ANXA4: variants seen among roughly 807,000 people sequenced by gnomAD.
ANXA4 encodes 35-beta calcimedin.
A neutral mutation model predicts 49.8 loss-of-function variants in ANXA4; 39 were observed. The ratio of observed to expected loss-of-function variants is 0.78; its 90% CI spans 0.61 to 1.02. The LOEUF (loss-of-function observed/expected upper bound fraction) is 1.02. Among genes scored for constraint, ANXA4 ranks in the 50% least tolerant of loss-of-function variants. ANXA4 has a pLI of 0.00. For synonymous variants in ANXA4, 134 were observed against 152.5 expected, an observed-to-expected ratio of 0.88 and a Z score of 0.89; for missense variants, 360 against 410.1, an observed-to-expected ratio of 0.88 and a Z score of 1.05.
chr2:69,651,903 C>A (rs1042172153), intron 1 of ANXA4, among the ~76,000 whole-genome samples: 1 of 148,734 alleles, frequency 6.7e-6, no homozygotes, highest in Non-Finnish European at 1.5e-5. Context: ...CCAGCCTCAA[C>A]TTCCTGGGTT....
At chr2:69,723,788 C>T (rs192356988) in intron 3 of ANXA4, among the ~76,000 whole-genome samples, 21 of 152,296 alleles carry the variant, frequency 1.4e-4, no homozygotes, top group Admixed American at 2.0e-4. Context: ...GGGCTCAAGT[C>T]ATCCTCCCAC....
At chr2:69,661,510 A>G (rs1165542813) in intron 2 of ANXA4, among the ~76,000 whole-genome samples, 2 of 152,072 alleles carry the variant, frequency 1.3e-5, no homozygotes, top group Non-Finnish European at 2.9e-5. Flanking sequence ...AGCTGTGATT[A>G]CAGTGAGCTA....
chr2:69,655,572 T>C (rs1676406211), intron 2 of ANXA4, among the ~76,000 whole-genome samples: 1 of 152,184 alleles, frequency 6.6e-6, no homozygotes, highest in Admixed American at 6.5e-5. Flanking sequence ...GGTTTTACAC[T>C]GTTGGTGGGA....
At chr2:69,800,442 CA>C (rs375381113) in intron 3 of ANXA4, among the ~76,000 whole-genome samples, 6 of 152,182 alleles carry the variant, frequency 3.9e-5, no homozygotes, top group African/African-American at 1.4e-4. Flanking sequence ...TTGGAGAAGA[CA>C]AGGATTATAA....
At chr2:69,757,268 T>TATA (rs1559150598) in intron 1 of ANXA4, among the ~76,000 whole-genome samples, 16 of 24,016 alleles carry the variant, frequency 6.7e-4, no homozygotes, top group Admixed American at 5.7e-3. Flanking sequence ...ATATATATAT[T>TATA]TTTTTTTTTT....
chr2:69,740,743 C>T (rs111346190), upstream of ANXA4, among the ~76,000 whole-genome samples: 6,123 of 130,392 alleles, frequency 0.047, 405 homozygotes, highest in African/African-American at 0.16. Context: ...CGTGCAGTGG[C>T]GCAATCTCAG....
chr2:69,810,694 G>A, intron 7 of ANXA4, 21 bp downstream of exon 7: 1 of 1,604,626 alleles, frequency 6.2e-7, no homozygotes, highest in Non-Finnish European at 8.5e-7. Context: ...GCTTCTGATG[G>A]GGGGCGGGTT....
intron 11 of ANXA4, among the ~76,000 whole-genome samples, chr2:69,820,206 T>TC (rs1034265248): frequency 1.8e-4 from 27 of 151,168 alleles, no homozygotes; most frequent in African/African-American, 6.5e-4. Context: ...TAGTTGAGGA[T>TC]CCAAACATTG....
At chr2:69,824,971 G>A (rs959109035) in intron 12 of ANXA4, among the ~76,000 whole-genome samples, 8 of 149,754 alleles carry the variant, frequency 5.3e-5, no homozygotes, top group South Asian at 2.1e-4. Context: ...GGAGGCTGAC[G>A]CAGAAGAATG....
At chr2:69,669,628 A>G (rs964031715) in intron 2 of ANXA4, among the ~76,000 whole-genome samples, 1 of 151,988 alleles carries the variant, frequency 6.6e-6, no homozygotes, top group African/African-American at 2.4e-5. Context: ...AAAAAGAATC[A>G]TAGATTTTAC....
intron 2 of ANXA4, among the ~76,000 whole-genome samples, chr2:69,665,980 G>A (rs1017917947): frequency 8.5e-5 from 13 of 152,120 alleles, no homozygotes; most frequent in East Asian, 3.8e-4. Context: ...TGAGGCAGGC[G>A]GATCACAATG....
chr2:69,721,557 C>G (rs999320235), intron 3 of ANXA4, among the ~76,000 whole-genome samples: 2 of 152,046 alleles, frequency 1.3e-5, no homozygotes, highest in Admixed American at 1.3e-4. Context: ...AAAAGTTAAC[C>G]AGGCACGGTG....
intron 4 of ANXA4, among the ~76,000 whole-genome samples, chr2:69,804,836 A>T (rs1292339010): frequency 6.6e-6 from 1 of 152,116 alleles, no homozygotes; most frequent in African/African-American, 2.4e-5. Flanking sequence ...ACTTGAGGCC[A>T]GGAGTTTGAG....
intron 8 of ANXA4, among the ~76,000 whole-genome samples, 192 bp downstream of exon 8, chr2:69,812,901 A>T (rs1311654575): frequency 6.6e-6 from 1 of 152,220 alleles, no homozygotes; most frequent in Non-Finnish European, 1.5e-5. Flanking sequence ...ACATCATTAT[A>T]TAAGCACTCC....
chr2:69,725,474 C>G (rs1669939757), intron 3 of ANXA4, among the ~76,000 whole-genome samples: 1 of 150,970 alleles, frequency 6.6e-6, no homozygotes, highest in Non-Finnish European at 1.5e-5. Flanking sequence ...AATAAATATA[C>G]CATACACTTC....
At chr2:69,676,773 G>A (rs1559070331) in intron 2 of ANXA4, among the ~76,000 whole-genome samples, 1 of 152,048 alleles carries the variant, frequency 6.6e-6, no homozygotes, top group Admixed American at 6.5e-5. Flanking sequence ...CATGCCTGTA[G>A]TCCCAGCTAC....
chr2:69,663,402 A>T (rs563140652), intron 2 of ANXA4, among the ~76,000 whole-genome samples: 1 of 150,004 alleles, frequency 6.7e-6, no homozygotes, highest in Non-Finnish European at 1.5e-5. Flanking sequence ...GACAATAAAG[A>T]TAGAATCCAA....
At chr2:69,742,439 A>C (rs1369286051) in intron 1 of ANXA4, among the ~76,000 whole-genome samples, 6 of 152,228 alleles carry the variant, frequency 3.9e-5, no homozygotes, top group Non-Finnish European at 7.3e-5. Context: ...TACACGGCTC[A>C]GGACGCGGGT....
intron 2 of ANXA4, among the ~76,000 whole-genome samples, chr2:69,690,615 G>C (rs59906554): frequency 0.02 from 3,050 of 152,218 alleles, 113 homozygotes; most frequent in African/African-American, 0.069. Context: ...ACCCTCTCCA[G>C]CCTGAGCAAA....
Sources: gnomAD v4.1 joint callset for allele counts (sites outside exome capture counted in the v4.1 genomes callset) on GRCh38, gnomAD v4.1.1 for gene constraint, MANE v1.5 for transcripts, NCBI Gene and HGNC (gene_info 2026-07-23, HGNC 2026-07-21) for gene names.